The following MDN1 variants were observed in gnomAD, a reference collection of about 807,000 sequenced individuals.
MDN1 encodes midasin.
MDN1 carries 266 observed loss-of-function variants against 669.2 expected under a neutral mutation model. That is an observed-to-expected ratio of 0.40 (90% CI 0.36 to 0.44). The LOEUF (loss-of-function observed/expected upper bound fraction) is 0.44, where lower values mean the gene tolerates loss of function less well. Ranked by LOEUF, MDN1 falls within the 20% of genes least tolerant of loss-of-function variation. MDN1 has a pLI of 1.00. For missense variants in MDN1, 5,940 were observed against 6,754.0 expected, an observed-to-expected ratio of 0.88 and a Z score of 4.22; for synonymous variants, 2,385 against 2,457.1, an observed-to-expected ratio of 0.97 and a Z score of 0.87.
chr6:89,786,924 CAAAA>C (rs35077997), intron 8 of MDN1, among the ~76,000 whole-genome samples: 10 of 76,568 alleles, frequency 1.3e-4, no homozygotes, highest in Admixed American at 4.9e-4. Context: ...GACTCCATCT[CAAAA>C]AAAAAAAAAA....
At chr6:89,756,494 C>CT in intron 19 of MDN1, 104 bp from the exon 20 acceptor site, 1 of 574,304 alleles carries the variant, frequency 1.7e-6, no homozygotes, top group Non-Finnish European at 3.0e-6. Context: ...ATTTTAACTG[C>CT]TTGTAGTATA....
rs776851515 is a variant in MDN1 at position 89,787,975 on chromosome 6, A to AACCGCACTGATAAAGTAAAGCTATT, written c.1231-43_1231-19dup. On this transcript the variant is annotated intron_variant, in intron 7 of 101. Transcript: ENST00000369393. Reference sequence around the variant, plus strand: ...ACAGAAACCTAAATCAGATAACAACAACCGCACTGATAAAGTAAAGCTATT... The same window carrying AACCGCACTGATAAAGTAAAGCTATT: ...ACAGAAACCTAAATCAGATAACAACAACCGCACTGATAAAGTAAAGCTATTACCGCACTGATAAAGTAAAGCTATT... 4 of 1,568,404 alleles carry AACCGCACTGATAAAGTAAAGCTATT rather than the reference A, an allele frequency of 2.6e-6. No homozygotes were observed. Among genetic ancestry groups the AACCGCACTGATAAAGTAAAGCTATT allele is most frequent in the Non-Finnish European group, 3.5e-6 (4 of 1,141,652 alleles).
chr6:89,794,544 C>T, intron 3 of MDN1, 33 bp downstream of exon 3: 12 of 1,593,774 alleles, frequency 7.5e-6, no homozygotes, highest in Non-Finnish European at 1.0e-5. Flanking sequence ...CATCCCCACA[C>T]TAGAAGTGCA....
At chr6:89,680,492 A>T (rs1811534003) in intron 74 of MDN1, 97 bp downstream of exon 74, 5 of 1,421,984 alleles carry the variant, frequency 3.5e-6, no homozygotes, top group Non-Finnish European at 4.7e-6. Context: ...ACACTACACA[A>T]GGTATCAAAA....
intron 57 of MDN1, 89 bp downstream of exon 57, chr6:89,699,974 A>G: frequency 7.8e-7 from 1 of 1,289,404 alleles, no homozygotes; most frequent in Non-Finnish European, 1.1e-6. Flanking sequence ...CATCCCTATC[A>G]AGTCTGTGGT....
intron 25 of MDN1, 30 bp downstream of exon 25, chr6:89,749,513 A>G (rs1816842294): frequency 6.2e-7 from 1 of 1,610,060 alleles, no homozygotes; most frequent in Non-Finnish European, 8.5e-7. Context: ...TGTGTTAACA[A>G]ATTGAAGGAA....
chr6:89,673,166 T>C (rs1810946662), intron 80 of MDN1, 70 bp downstream of exon 80: 7 of 1,326,862 alleles, frequency 5.3e-6, no homozygotes, highest in Non-Finnish European at 7.5e-6. Flanking sequence ...TTTTGGACAA[T>C]GAGACTTACA....
At chr6:89,712,501 T>C in intron 48 of MDN1, 74 bp downstream of exon 48, 1 of 1,429,376 alleles carries the variant, frequency 7.0e-7, no homozygotes, top group Non-Finnish European at 9.8e-7. Context: ...TTAAATATAT[T>C]GTGTCCTGAC....
intron 71 of MDN1, among the ~76,000 whole-genome samples, 193 bp downstream of exon 71, chr6:89,684,683 G>A (rs1019316152): frequency 6.6e-6 from 1 of 152,146 alleles, no homozygotes; most frequent in East Asian, 1.9e-4. Context: ...TCCACCAATC[G>A]CTCACACACT....
In MDN1 at chr6:89,708,584, G is replaced by A. The variant is rs779179484; in HGVS notation, c.7810C>T (p.Leu2604=). The change falls in exon 51 of 102, where the codon CTG becomes TTG. Residue 2604 remains leucine (L), a synonymous_variant. Coordinates refer to ENST00000369393, the MANE Select transcript of MDN1 (RefSeq NM_014611.3). ...TCCATCAAATTTCTAATCATGTCCA[G>A]AGCCTGCATATTCCATCGGGGATCC... ...PLDPRWNMQA[L]DMIRNLMDFD... 6.2e-7 allele frequency: 1 copy of A among 1,614,064 alleles called. No homozygotes were observed.
intron 37 of MDN1, 97 bp downstream of exon 37, chr6:89,727,736 T>G: frequency 6.3e-7 from 1 of 1,588,664 alleles, no homozygotes; most frequent in African/African-American, 1.3e-5. Context: ...CAGCGGGATC[T>G]TCCACTGAGA....
At chr6:89,815,307 T>C in intron 1 of MDN1, 2 of 479,342 alleles carry the variant, frequency 4.2e-6, no homozygotes, top group Admixed American at 2.3e-5. Context: ...GAATTCGGCA[T>C]CTCCAGAAGC....
intron 20 of MDN1, among the ~76,000 whole-genome samples, chr6:89,755,722 C>T (rs566512681): frequency 2.0e-5 from 3 of 152,230 alleles, no homozygotes; most frequent in African/African-American, 7.2e-5. Flanking sequence ...TCTCATAGAA[C>T]CAATACTAGA....
In MDN1 at chr6:89,683,160, G is replaced by T. The variant is rs1473071977; in HGVS notation, c.12074C>A (p.Thr4025Asn). ...IQNLNRALRETLLAQPAAGQA... is the reference protein window; with the variant it reads ...IQNLNRALRENLLAQPAAGQA... ...CCCAGCTGCTGGTTGGGCTAACAGGGTCTCCCTCAGTGCCCTGTTCAGATT... is the reference window on the plus strand; with the variant it reads ...CCCAGCTGCTGGTTGGGCTAACAGGTTCTCCCTCAGTGCCCTGTTCAGATT... Residue 4025 changes from threonine to asparagine, a missense_variant, in exon 73 of 102, where the codon ACC (threonine) becomes AAC (asparagine). Coordinates refer to ENST00000369393, the MANE Select transcript of MDN1 (RefSeq NM_014611.3). The T allele has an allele frequency of 6.2e-7, 1 of 1,614,122 alleles. No individual in the cohort carries two copies. Among genetic ancestry groups the T allele is most frequent in the Admixed American group, 1.7e-5 (1 of 60,010 alleles).
intron 40 of MDN1, 107 bp from the exon 41 acceptor site, chr6:89,719,332 C>T: frequency 2.4e-6 from 2 of 844,034 alleles, no homozygotes; most frequent in East Asian, 2.6e-5. Flanking sequence ...TCTAAAAACA[C>T]TGGCCACAAT....
At chr6:89,807,035 A>G (rs577890922) in intron 1 of MDN1, among the ~76,000 whole-genome samples, 8 of 152,264 alleles carry the variant, frequency 5.3e-5, no homozygotes, top group Admixed American at 5.2e-4. Context: ...TTTATTTTGA[A>G]GATTTCTTAA....
chr6:89,758,467 C>T (rs1336960425), intron 18 of MDN1, 116 bp from the exon 19 acceptor site: 2 of 831,284 alleles, frequency 2.4e-6, no homozygotes, highest in Non-Finnish European at 3.8e-6. Flanking sequence ...TTTCTGAAAC[C>T]CCACTGAAAT....
intron 13 of MDN1, 125 bp from the exon 14 acceptor site, chr6:89,772,846 A>G: frequency 1.9e-6 from 2 of 1,033,206 alleles, no homozygotes; most frequent in Non-Finnish European, 2.8e-6. Flanking sequence ...ACTGTCTTCA[A>G]GCTATACCAG....
At chr6:89,818,639 G>A (rs1417326036) in intron 1 of MDN1, among the ~76,000 whole-genome samples, 1 of 151,540 alleles carries the variant, frequency 6.6e-6, no homozygotes, top group Non-Finnish European at 1.5e-5. Context: ...GTGAAACCCC[G>A]TCTCTACTAA....
Sources: allele counts gnomAD v4.1 joint callset (sites outside exome capture counted in the v4.1 genomes callset), GRCh38; gene constraint gnomAD v4.1.1; transcripts MANE v1.5; gene names NCBI Gene and HGNC (gene_info 2026-07-23, HGNC 2026-07-21).